SLC9A7: variants seen among roughly 807,000 people sequenced by gnomAD.
The protein encoded by SLC9A7 is solute carrier family 9 member A7, also known as sodium/hydrogen exchanger 7.
SLC9A7 carries 19 observed loss-of-function variants against 52.6 expected under a neutral mutation model. The observed-to-expected ratio is 0.36, with a 90% CI of 0.25 to 0.53. The LOEUF (loss-of-function observed/expected upper bound fraction) is 0.53, where lower values mean the gene tolerates loss of function less well. Ranked by LOEUF, SLC9A7 falls within the 20% of genes least tolerant of loss-of-function variation. The pLI is 0.91. For synonymous variants in SLC9A7, 226 were observed against 252.1 expected, an observed-to-expected ratio of 0.90 and a Z score of 0.98; for missense variants, 455 against 597.9, an observed-to-expected ratio of 0.76 and a Z score of 2.49.
At chrX:46,692,079 T>C (rs1944388206) in intron 1 of SLC9A7, among the ~76,000 whole-genome samples, 1 of 111,346 alleles carries the variant, frequency 9.0e-6, no homozygotes, top group African/African-American at 3.3e-5. Context: ...TAAGCAACCT[T>C]ACTCTATCAG....
chrX:46,656,977 G>A (rs1373182628), intron 7 of SLC9A7, among the ~76,000 whole-genome samples: 4 of 105,826 alleles, frequency 3.8e-5, no homozygotes, highest in African/African-American at 1.4e-4. Flanking sequence ...AGAGAGAAAG[G>A]TCGGGTTACC....
In SLC9A7 at chrX:46,662,722, T is replaced by C. The variant is rs1943845600; in HGVS notation, c.794-79A>G. ...ACTGATTACAGATTTATAGAGGCAA[T>C]TCCTATCTTGGGTGGGACTGGGTGA... On this transcript the variant is annotated intron_variant, in intron 5 of 16. Coordinates refer to ENST00000616978, the MANE Select transcript of SLC9A7 (RefSeq NM_001257291.2). The C allele has an allele frequency of 4.2e-6, 3 of 717,049 alleles. No individual in the cohort carries two copies. In the Admixed American group the frequency reaches 7.6e-5, roughly 18 times the overall value. 59.1% of individuals were successfully genotyped at this position (717,049 alleles called of 1,213,427 possible). A position where few individuals can be genotyped will look rare whatever the true frequency, so the allele number is the denominator to read the frequency against.
At chrX:46,670,335 C>T (rs774569837) in intron 4 of SLC9A7, among the ~76,000 whole-genome samples, 1 of 112,162 alleles carries the variant, frequency 8.9e-6, no homozygotes, top group Non-Finnish European at 1.9e-5. Context: ...AATAGCCCTC[C>T]TTATGCTATG....
At chrX:46,730,646 C>T (rs1460071070) in intron 1 of SLC9A7, among the ~76,000 whole-genome samples, 5 of 51,349 alleles carry the variant, frequency 9.7e-5, no homozygotes, top group East Asian at 6.8e-4. Flanking sequence ...GGCAACAGAG[C>T]GAGACTGTCT....
chrX:46,738,777 A>AAC lies in SLC9A7; in HGVS notation c.325+19927_325+19928insGT, dbSNP rs745309210. ...AGAGCAAGACTCCATCTCAAAAAAA[A>AAC]AAAACAAAACAAACAAACAAACACC... On this transcript the variant is annotated intron_variant, in intron 1 of 16. Transcript: ENST00000616978. Among the ~76,000 whole-genome samples, 644 of 109,935 alleles carry AAC rather than the reference A, an allele frequency of 5.9e-3. 4 individuals carry two copies. The highest frequency in any genetic ancestry group is 0.021 in the African/African-American group (619 of 30,161).
At chrX:46,639,937 T>A (rs1281739421) in intron 12 of SLC9A7, among the ~76,000 whole-genome samples, 1 of 111,461 alleles carries the variant, frequency 9.0e-6, no homozygotes, top group Non-Finnish European at 1.9e-5. Context: ...ATGAAAGAAA[T>A]CAAAGAAGTT....
chrX:46,696,686 T>C (rs1173874644), intron 1 of SLC9A7, among the ~76,000 whole-genome samples: 1 of 111,763 alleles, frequency 8.9e-6, no homozygotes, highest in Non-Finnish European at 1.9e-5. Context: ...AAACATATAT[T>C]CTGCTGTCAT....
At chrX:46,626,166 C>T (rs1208040143) in intron 14 of SLC9A7, among the ~76,000 whole-genome samples, 1 of 112,387 alleles carries the variant, frequency 8.9e-6, no homozygotes, top group Non-Finnish European at 1.9e-5. Flanking sequence ...AAAAACAAAA[C>T]TTTATTGTTT....
intron 1 of SLC9A7, among the ~76,000 whole-genome samples, chrX:46,721,316 A>ACC (rs1944856647): frequency 8.9e-6 from 1 of 111,761 alleles, no homozygotes; most frequent in East Asian, 2.8e-4. Flanking sequence ...AATGGTAGAG[A>ACC]ACACACAAGA....
rs1942891837 is a variant in SLC9A7, at chrX:46,613,404, G to A, written c.1824-10C>T. ...GATGGGCTTCAGGTAACTTTAAAAT[G>A]TGAATTAAGGAAAAATGGCTGCAAA... On this transcript the variant is annotated splice_polypyrimidine_tract_variant and intron_variant, in intron 15 of 16. Transcript: ENST00000616978. 3.6e-6 allele frequency: 4 copies of A among 1,123,155 alleles called. No individual in the cohort carries two copies. The highest frequency in any genetic ancestry group is 4.8e-6 in the Non-Finnish European group (4 of 827,611). 92.6% of individuals were successfully genotyped at this position (1,123,155 alleles called of 1,213,427 possible). A position where few individuals can be genotyped will look rare whatever the true frequency, so the allele number is the denominator to read the frequency against.
At chrX:46,736,307 C>T (rs887643270) in intron 1 of SLC9A7, among the ~76,000 whole-genome samples, 1 of 111,513 alleles carries the variant, frequency 9.0e-6, no homozygotes, top group Non-Finnish European at 1.9e-5. Flanking sequence ...TTTTCCATCT[C>T]TGTCCTAAAA....
rs770663382 is a variant in SLC9A7 at position 46,615,500 on chromosome X, T to A, written c.1824-2106A>T. On this transcript the variant is annotated intron_variant, in intron 15 of 16. Transcript: ENST00000616978. ...TCAGAAGATGACAGAGGCTCAGATCTGTAGAATGACAAATACGCAGGAGGC... is the reference window on the plus strand; with the variant it reads ...TCAGAAGATGACAGAGGCTCAGATCAGTAGAATGACAAATACGCAGGAGGC... 3.3e-3 allele frequency among the ~76,000 whole-genome samples: 361 copies of A among 110,527 alleles called. 1 individual carries two copies. The highest frequency in any genetic ancestry group is 0.012 in the African/African-American group (349 of 30,298).
intron 3 of SLC9A7, among the ~76,000 whole-genome samples, chrX:46,672,907 GTA>G (rs1336593479): frequency 8.9e-6 from 1 of 112,271 alleles, no homozygotes; most frequent in Non-Finnish European, 1.9e-5. Context: ...TTAAGTGTGT[GTA>G]TATGTTGTGC....
intron 11 of SLC9A7, among the ~76,000 whole-genome samples, chrX:46,645,273 T>C (rs920988668): frequency 1.8e-5 from 2 of 112,280 alleles, no homozygotes; most frequent in Non-Finnish European, 3.8e-5. Flanking sequence ...CACTGGCATA[T>C]TCCTAATATG....
At chrX:46,725,861 T>C in intron 1 of SLC9A7, 1 of 492,168 alleles carries the variant, frequency 2.0e-6, no homozygotes, top group Admixed American at 2.5e-5. Flanking sequence ...AGCAAAACCA[T>C]AAACCACTTA....
At position 46,615,484 on chromosome X, in the gene SLC9A7, G is replaced by A. The variant is rs796162858; in HGVS notation, c.1824-2090C>T. ...TTCTTGTGTCTTTGGCTCAGAAGAT[G>A]ACAGAGGCTCAGATCTGTAGAATGA... On this transcript the variant is annotated intron_variant, in intron 15 of 16. Coordinates refer to ENST00000616978, the MANE Select transcript of SLC9A7 (RefSeq NM_001257291.2). Among the ~76,000 whole-genome samples the A allele has an allele frequency of 2.7e-5, 3 of 110,450 alleles. No individual in the cohort carries two copies. In the South Asian group the frequency reaches 1.1e-3, roughly 42 times the overall value.
intron 1 of SLC9A7, among the ~76,000 whole-genome samples, chrX:46,721,742 A>T (rs1034898729): frequency 1.8e-5 from 2 of 111,881 alleles, no homozygotes; most frequent in Non-Finnish European, 3.8e-5. Flanking sequence ...TATCTGAGCA[A>T]TCTCGAGGAA....
In SLC9A7 at chrX:46,654,870, C is replaced by T. The variant is rs1246903981; in HGVS notation, c.1042-1156G>A. On this transcript the variant is annotated intron_variant, in intron 7 of 16. Coordinates refer to ENST00000616978, the MANE Select transcript of SLC9A7 (RefSeq NM_001257291.2). ...CCCTTGTGAAGAAAGCAATTTAAAT[C>T]TGCGCTATCCAATGTGGTAGCTGAA... 3.1e-4 allele frequency among the ~76,000 whole-genome samples: 34 copies of T among 111,113 alleles called. No individual in the cohort carries two copies. In the Admixed American group the frequency reaches 3.2e-3, roughly 10 times the overall value.
At chrX:46,722,479 C>A (rs886112134) in intron 1 of SLC9A7, among the ~76,000 whole-genome samples, 1 of 111,949 alleles carries the variant, frequency 8.9e-6, no homozygotes, top group Non-Finnish European at 1.9e-5. Context: ...CACTGTTACT[C>A]CAAATACCTT....
Sources: gnomAD v4.1 joint callset for allele counts (sites outside exome capture counted in the v4.1 genomes callset) on GRCh38, gnomAD v4.1.1 for gene constraint, MANE v1.5 for transcripts, NCBI Gene and HGNC (gene_info 2026-07-23, HGNC 2026-07-21) for gene names.